The following RNF144B variants were observed in gnomAD, a reference collection of about 807,000 sequenced individuals.
RNF144B encodes E3 ubiquitin-protein ligase RNF144B.
RNF144B carries 25 observed loss-of-function variants against 40.2 expected under a neutral mutation model. The ratio of observed to expected loss-of-function variants is 0.62; its 90% CI spans 0.45 to 0.87. RNF144B has a LOEUF of 0.87. RNF144B is among the 40% of genes least tolerant of loss of function. The pLI is 0.00. For missense variants in RNF144B, 365 were observed against 373.7 expected, an observed-to-expected ratio of 0.98 and a Z score of 0.19; for synonymous variants, 145 against 136.3, an observed-to-expected ratio of 1.06 and a Z score of -0.44.
chr6:18,438,621 A>G (rs1200312762), intron 3 of RNF144B, among the ~76,000 whole-genome samples: 1 of 152,198 alleles, frequency 6.6e-6, no homozygotes, highest in Non-Finnish European at 1.5e-5. Flanking sequence ...TGAATGCATT[A>G]TAAAAGGTAT....
rs1007854336 is a variant in RNF144B, at chr6:18,459,821, G to T, written c.681+70G>T. 5.0e-6 allele frequency: 7 copies of T among 1,410,996 alleles called. No homozygotes were observed. The African/African-American group carries it at 7.2e-5, about 14-fold the overall frequency. 87.4% of individuals were successfully genotyped at this position (1,410,996 alleles called of 1,614,324 possible). A position where few individuals can be genotyped will look rare whatever the true frequency, so the allele number is the denominator to read the frequency against. On this transcript the variant is annotated intron_variant, in intron 6 of 7. Coordinates refer to ENST00000259939, the MANE Select transcript of RNF144B (RefSeq NM_182757.4). This position sits in a 1 kb window ranked among gnomAD's most constrained non-coding sequence, Gnocchi z 4.2. ...TCTGCACCACAGCTGATATCCTACAGATTTTCCTTTAAAATATTGGGGCAA... is the reference window on the plus strand; with the variant it reads ...TCTGCACCACAGCTGATATCCTACATATTTTCCTTTAAAATATTGGGGCAA...
rs75751281 is a variant in RNF144B, at chr6:18,444,683, T to G, written c.331+4939T>G. On this transcript the variant is annotated intron_variant, in intron 4 of 7. Coordinates refer to ENST00000259939, the MANE Select transcript of RNF144B (RefSeq NM_182757.4). This position sits in a 1 kb window ranked among gnomAD's most constrained non-coding sequence, Gnocchi z 4.3. ...TTGTTCTCCTTCATTTAAAAAAAAG[T>G]GAAATAGGAAGTTGTCTTTCTTTTG... Among the ~76,000 whole-genome samples the G allele has an allele frequency of 6.7e-6, 1 of 150,114 alleles. No homozygotes were observed. The highest frequency in any genetic ancestry group is 6.8e-5 in the Admixed American group (1 of 14,736).
Position 18,465,294 on chromosome 6 carries a change from A to G in RNF144B, c.*227A>G. ...CTCAACGGTCCAGCTGTTTCTATGG[A>G]GCTTTGGGGTTCCTTGAGATGAATG... On this transcript the variant is annotated 3_prime_UTR_variant, in exon 8 of 8. Coordinates refer to ENST00000259939, the MANE Select transcript of RNF144B (RefSeq NM_182757.4). 1 of 549,840 alleles carries G rather than the reference A, an allele frequency of 1.8e-6. No individual in the cohort carries two copies. The highest frequency in any genetic ancestry group is 2.9e-5 in the East Asian group (1 of 34,202). 34.1% of individuals were successfully genotyped at this position (549,840 alleles called of 1,614,324 possible).
intron 1 of RNF144B, among the ~76,000 whole-genome samples, chr6:18,396,029 T>A (rs1235717907): frequency 6.6e-6 from 1 of 152,194 alleles, no homozygotes; most frequent in Non-Finnish European, 1.5e-5. Context: ...TGCTTGGAAT[T>A]TTTTAAAAAA....
intron 2 of RNF144B, among the ~76,000 whole-genome samples, chr6:18,426,021 C>G (rs1216351486): frequency 6.6e-6 from 1 of 152,064 alleles, no homozygotes; most frequent in Non-Finnish European, 1.5e-5. Flanking sequence ...GATTAGTTTT[C>G]TGAAGTAATA....
chr6:18,389,053 A>G (rs1277548683), intron 1 of RNF144B, among the ~76,000 whole-genome samples: 1 of 152,170 alleles, frequency 6.6e-6, no homozygotes. Context: ...TTTCTCCTAC[A>G]CTACTGTGCT....
intron 1 of RNF144B, 28 bp downstream of exon 1, chr6:18,387,658 A>G (rs2113445385): frequency 3.1e-6 from 4 of 1,290,212 alleles, no homozygotes; most frequent in Non-Finnish European, 4.0e-6. Context: ...TTTAAAGGCT[A>G]CAGGCGTTGC....
At chr6:18,411,933 A>AT (rs992368774) in intron 2 of RNF144B, among the ~76,000 whole-genome samples, 10 of 152,232 alleles carry the variant, frequency 6.6e-5, no homozygotes, top group African/African-American at 2.4e-4. Flanking sequence ...GTGCAAAAAT[A>AT]TACAGACCAA....
At chr6:18,396,429 G>T (rs1000114066) in intron 1 of RNF144B, 2 of 981,288 alleles carry the variant, frequency 2.0e-6, no homozygotes, top group African/African-American at 1.8e-5. Context: ...AAATAATATA[G>T]AGTAAGACTG....
rs926601558 is a variant in RNF144B, at chr6:18,448,470, G to A, written c.332-8685G>A. ...AGAGTGAGAAGAGAAAAGGGGTAAT[G>A]CAGATTTGAAGCAAAAGGAGGAGCT... On this transcript the variant is annotated intron_variant, in intron 4 of 7. Coordinates refer to ENST00000259939, the MANE Select transcript of RNF144B (RefSeq NM_182757.4). The surrounding 1 kb of genome is among the most constrained non-coding windows in gnomAD (Gnocchi z 4.0). 2.6e-5 allele frequency among the ~76,000 whole-genome samples: 4 copies of A among 152,036 alleles called. No homozygotes were observed. Among genetic ancestry groups the A allele is most frequent in the African/African-American group, 9.7e-5 (4 of 41,390 alleles).
chr6:18,432,570 G>C (rs1000249620), intron 3 of RNF144B, among the ~76,000 whole-genome samples: 1 of 152,228 alleles, frequency 6.6e-6, no homozygotes, highest in Non-Finnish European at 1.5e-5. Flanking sequence ...GCCCTTGCTT[G>C]AAGTTAGTAG....
chr6:18,440,798 T>TTG (rs1758943976), intron 4 of RNF144B, among the ~76,000 whole-genome samples: 1 of 150,054 alleles, frequency 6.7e-6, no homozygotes, highest in African/African-American at 2.4e-5. Context: ...TTGTGGTGTT[T>TTG]TTTTTTTTTT....
In RNF144B at chr6:18,464,621, G is replaced by T. The variant is rs1759535496; in HGVS notation, c.772-306G>T. ...ATATCTTAGCAAGGGCTCTCTTCCTGGTTTGAAGATGGCCATTTTTTTGCT... is the reference window on the plus strand; with the variant it reads ...ATATCTTAGCAAGGGCTCTCTTCCTTGTTTGAAGATGGCCATTTTTTTGCT... On this transcript the variant is annotated intron_variant, in intron 7 of 7. Transcript: ENST00000259939. The surrounding 1 kb of genome is among the most constrained non-coding windows in gnomAD (Gnocchi z 6.1). Among the ~76,000 whole-genome samples, 1 of 152,192 alleles carries T rather than the reference G, an allele frequency of 6.6e-6. No homozygotes were observed. Among genetic ancestry groups the T allele is most frequent in the Non-Finnish European group, 1.5e-5 (1 of 68,038 alleles).
chr6:18,406,449 G>T lies in RNF144B; in HGVS notation c.165+6750G>T, dbSNP rs1794908081. On this transcript the variant is annotated intron_variant, in intron 2 of 7. Coordinates refer to ENST00000259939, the MANE Select transcript of RNF144B (RefSeq NM_182757.4). This position sits in a 1 kb window ranked among gnomAD's most constrained non-coding sequence, Gnocchi z 4.2. ...TGTTACAGCAAAGGAGGCTGGTGTG[G>T]CTGGAAAAGTGTGTGTGTGTGTGTG... Among the ~76,000 whole-genome samples the T allele has an allele frequency of 7.3e-6, 1 of 137,518 alleles. No individual in the cohort carries two copies. The allele number at this position is 137,518 out of a possible 152,430, so 90.2% of individuals were successfully genotyped here.
In RNF144B at chr6:18,405,763, G is replaced by A. The variant is rs918154775; in HGVS notation, c.165+6064G>A. Among the ~76,000 whole-genome samples the A allele has an allele frequency of 2.0e-5, 3 of 152,192 alleles. No homozygotes were observed. The highest frequency in any genetic ancestry group is 4.4e-5 in the Non-Finnish European group (3 of 68,036). On this transcript the variant is annotated intron_variant, in intron 2 of 7. Coordinates refer to ENST00000259939, the MANE Select transcript of RNF144B (RefSeq NM_182757.4). This position sits in a 1 kb window ranked among gnomAD's most constrained non-coding sequence, Gnocchi z 4.5. ...ACAGCATGAGAAATGGATTAGAGAT[G>A]ACTCAAGGAGGAGCTGGCTTCCTGG...
At chr6:18,407,068 T>C (rs55915512) in intron 2 of RNF144B, among the ~76,000 whole-genome samples, 3,768 of 152,172 alleles carry the variant, frequency 0.025, 167 homozygotes, top group African/African-American at 0.086. Context: ...ACCAGGTCCC[T>C]CCCTCAACAT....
rs1043975313 is a variant in RNF144B, at chr6:18,441,674, G to T, written c.331+1930G>T. On this transcript the variant is annotated intron_variant, in intron 4 of 7. Coordinates refer to ENST00000259939, the MANE Select transcript of RNF144B (RefSeq NM_182757.4). This position sits in a 1 kb window ranked among gnomAD's most constrained non-coding sequence, Gnocchi z 4.9. Reference sequence around the variant, plus strand: ...TAAAGTTTTGGTTTATTTTAAAATCGTAGCTAAGACCCTGAGTGCAATTGC... The same window carrying T: ...TAAAGTTTTGGTTTATTTTAAAATCTTAGCTAAGACCCTGAGTGCAATTGC... 6.6e-6 allele frequency among the ~76,000 whole-genome samples: 1 copy of T among 152,068 alleles called. No homozygotes were observed. The highest frequency in any genetic ancestry group is 1.5e-5 in the Non-Finnish European group (1 of 68,030).
In RNF144B at chr6:18,412,638, G is replaced by A. The variant is rs1305398688; in HGVS notation, c.165+12939G>A. 6.6e-6 allele frequency among the ~76,000 whole-genome samples: 1 copy of A among 152,166 alleles called. No individual in the cohort carries two copies. The highest frequency in any genetic ancestry group is 1.5e-5 in the Non-Finnish European group (1 of 68,030). On this transcript the variant is annotated intron_variant, in intron 2 of 7. Coordinates refer to ENST00000259939, the MANE Select transcript of RNF144B (RefSeq NM_182757.4). This position sits in a 1 kb window ranked among gnomAD's most constrained non-coding sequence, Gnocchi z 4.2. ...AAAAATTTAGGCAAGTTGAAAAAGG[G>A]TGGTGAGTTAACTAGAAAATTCAGT... is the stretch of plus-strand genomic sequence containing the variant.
chr6:18,458,434 C>T lies in RNF144B; in HGVS notation c.536+1075C>T, dbSNP rs1006215170. Among the ~76,000 whole-genome samples, 3 of 152,176 alleles carry T rather than the reference C, an allele frequency of 2.0e-5. No individual in the cohort carries two copies. Among genetic ancestry groups the T allele is most frequent in the Non-Finnish European group, 4.4e-5 (3 of 68,032 alleles). ...CATGAATAGTAATGCTACTTGGCTACGATGCTGTGCTTGAATCTCAGAACA... is the reference window on the plus strand; with the variant it reads ...CATGAATAGTAATGCTACTTGGCTATGATGCTGTGCTTGAATCTCAGAACA... On this transcript the variant is annotated intron_variant, in intron 5 of 7. Coordinates refer to ENST00000259939, the MANE Select transcript of RNF144B (RefSeq NM_182757.4). This position sits in a 1 kb window ranked among gnomAD's most constrained non-coding sequence, Gnocchi z 4.8.
Sources: allele counts gnomAD v4.1 joint callset (sites outside exome capture counted in the v4.1 genomes callset), GRCh38; gene constraint gnomAD v4.1.1; non-coding constraint Gnocchi (gnomAD v3.1); transcripts MANE v1.5; gene names NCBI Gene and HGNC (gene_info 2026-07-23, HGNC 2026-07-21).